The following NBAS variants were observed in gnomAD, a reference collection of about 807,000 sequenced individuals.
The protein encoded by NBAS is NBAS subunit of NRZ tethering complex.
Under a neutral mutation model 302.5 loss-of-function variants are expected in NBAS, and 219 were observed. The observed-to-expected ratio is 0.72, with a 90% CI of 0.65 to 0.81. NBAS has a LOEUF of 0.81. NBAS is among the 30% of genes least tolerant of loss of function. The probability of loss-of-function intolerance (pLI) is 0.00; values close to 1 mark genes in which losing one functional copy is unlikely to be tolerated. For synonymous variants in NBAS, 1,118 were observed against 1,021.6 expected (o/e 1.09, Z -1.80); for missense variants, 2,932 against 2,841.6 (o/e 1.03, Z -0.72).
intron 6 of NBAS, among the ~76,000 whole-genome samples, chr2:15,549,822 A>G (rs559252328): frequency 2.6e-5 from 4 of 152,154 alleles, no homozygotes; most frequent in Admixed American, 2.0e-4. Flanking sequence ...CTTCTCCATC[A>G]TGGCACTTAA....
intron 47 of NBAS, among the ~76,000 whole-genome samples, chr2:15,227,011 A>G (rs1438086602): frequency 6.6e-6 from 1 of 152,068 alleles, no homozygotes; most frequent in Non-Finnish European, 1.5e-5. Context: ...GAAAAACTCA[A>G]TTTTTTCTCA....
At chr2:14,932,071 G>A in the NBAS span, among the ~76,000 whole-genome samples, 1 of 152,194 alleles carries the variant, frequency 6.6e-6, no homozygotes, top group Non-Finnish European at 1.5e-5. Flanking sequence ...TCTCATTGCA[G>A]AAGACTGGCA....
chr2:15,210,573 C>T (rs528304518), intron 48 of NBAS, among the ~76,000 whole-genome samples: 1 of 152,134 alleles, frequency 6.6e-6, no homozygotes, highest in Non-Finnish European at 1.5e-5. Flanking sequence ...AAGTTCCTCA[C>T]AAAACTAAAA....
At chr2:15,162,133 G>GTC (rs1663913726), downstream of NBAS, among the ~76,000 whole-genome samples, 1 of 151,474 alleles carries the variant, frequency 6.6e-6, no homozygotes, top group South Asian at 2.1e-4. Context: ...TATTAGCCAG[G>GTC]CCAGCTCTCA....
chr2:14,871,562 A>G, the NBAS span, among the ~76,000 whole-genome samples: 1 of 152,086 alleles, frequency 6.6e-6, no homozygotes, highest in South Asian at 2.1e-4. Flanking sequence ...AAATTCATGT[A>G]AAAGATAAAA....
At chr2:15,454,911 T>C (rs1378625871) in intron 21 of NBAS, among the ~76,000 whole-genome samples, 1 of 91,520 alleles carries the variant, frequency 1.1e-5, no homozygotes, top group Non-Finnish European at 2.6e-5. Flanking sequence ...ATACTGCAAT[T>C]TTTTTTTTTT....
the NBAS span, among the ~76,000 whole-genome samples, chr2:15,039,140 C>A: frequency 6.6e-5 from 10 of 152,200 alleles, no homozygotes; most frequent in African/African-American, 2.2e-4. Context: ...CTTATCTGCA[C>A]TTGAAACTTA....
downstream of NBAS, among the ~76,000 whole-genome samples, chr2:15,165,684 G>A (rs1047166160): frequency 6.7e-6 from 1 of 148,690 alleles, no homozygotes; most frequent in African/African-American, 2.5e-5. Context: ...GTGGACAGGG[G>A]GAGGTGTGGA....
At chr2:15,060,320 G>A in the NBAS span, among the ~76,000 whole-genome samples, 1 of 152,122 alleles carries the variant, frequency 6.6e-6, no homozygotes, top group Non-Finnish European at 1.5e-5. Flanking sequence ...CATGCAGCTC[G>A]AGTCTCAGGA....
At chr2:15,213,994 A>G (rs1359348665) in intron 48 of NBAS, among the ~76,000 whole-genome samples, 1 of 152,238 alleles carries the variant, frequency 6.6e-6, no homozygotes, top group Non-Finnish European at 1.5e-5. Flanking sequence ...TCAGCAAACT[A>G]TGGCAAACTA....
intron 11 of NBAS, among the ~76,000 whole-genome samples, chr2:15,499,493 C>T (rs185179092): frequency 6.6e-6 from 1 of 152,280 alleles, no homozygotes; most frequent in Admixed American, 6.5e-5. Flanking sequence ...CCTTAGAAAA[C>T]TAATGCAGGA....
chr2:15,311,769 A>G (rs1671287712), intron 38 of NBAS, among the ~76,000 whole-genome samples: 1 of 152,162 alleles, frequency 6.6e-6, no homozygotes, highest in African/African-American at 2.4e-5. Flanking sequence ...TCCTCAACTT[A>G]CAAGAGAGGA....
the NBAS span, among the ~76,000 whole-genome samples, chr2:14,809,922 G>A: frequency 1.1e-4 from 17 of 152,206 alleles, no homozygotes; most frequent in East Asian, 1.9e-4. Flanking sequence ...GGAGCCAAAC[G>A]AGATCATTTT....
At chr2:15,026,060 G>C in the NBAS span, among the ~76,000 whole-genome samples, 7 of 151,996 alleles carry the variant, frequency 4.6e-5, no homozygotes, top group African/African-American at 1.4e-4. Context: ...GTATGATGCT[G>C]GCTGTGGGTT....
At chr2:15,379,474 C>T (rs1350975549) in intron 30 of NBAS, 128 bp downstream of exon 30, 3 of 818,636 alleles carry the variant, frequency 3.7e-6, no homozygotes, top group Non-Finnish European at 5.7e-6. Flanking sequence ...CAAAAAATAA[C>T]TGTGCCCCAT....
chr2:14,978,936 C>T, the NBAS span, among the ~76,000 whole-genome samples: 1 of 152,148 alleles, frequency 6.6e-6, no homozygotes, highest in African/African-American at 2.4e-5. Context: ...TGAGGGGGTA[C>T]TCAAATTGCA....
At chr2:15,391,224 G>A (rs1439175616) in intron 28 of NBAS, among the ~76,000 whole-genome samples, 1 of 152,120 alleles carries the variant, frequency 6.6e-6, no homozygotes, top group Admixed American at 6.5e-5. Context: ...TTAGAAATAT[G>A]CTTTTAAAAA....
intron 12 of NBAS, among the ~76,000 whole-genome samples, chr2:15,484,109 T>A (rs1043949639): frequency 1.3e-5 from 2 of 152,180 alleles, no homozygotes; most frequent in African/African-American, 4.8e-5. Flanking sequence ...ACAGCCACTT[T>A]ACATATTTGG....
At chr2:15,384,024 G>A (rs933961206) in intron 28 of NBAS, among the ~76,000 whole-genome samples, 1 of 152,166 alleles carries the variant, frequency 6.6e-6, no homozygotes, top group Non-Finnish European at 1.5e-5. Context: ...AACATCTCTT[G>A]CAACACACTC....
Sources: gnomAD v4.1 joint callset for allele counts (sites outside exome capture counted in the v4.1 genomes callset) on GRCh38, gnomAD v4.1.1 for gene constraint, MANE v1.5 for transcripts, NCBI Gene and HGNC (gene_info 2026-07-23, HGNC 2026-07-21) for gene names.